The following OLFM3 variants were observed in gnomAD, a reference collection of about 807,000 sequenced individuals.
The protein encoded by OLFM3 is noelin-3.
OLFM3 carries 20 observed loss-of-function variants against 48.6 expected under a neutral mutation model. The observed-to-expected ratio is 0.41, with a 90% CI of 0.29 to 0.60. The LOEUF is 0.60. OLFM3 is among the 20% of genes least tolerant of loss of function. The pLI is 0.28. For synonymous variants in OLFM3, 222 were observed against 198.1 expected (o/e 1.12, Z -1.01); for missense variants, 437 against 544.3 (o/e 0.80, Z 1.96).
At chr1:101,861,820 G>A (rs1656668589) in intron 1 of OLFM3, among the ~76,000 whole-genome samples, 1 of 152,128 alleles carries the variant, frequency 6.6e-6, no homozygotes, top group African/African-American at 2.4e-5. Flanking sequence ...TCAAATTAGA[G>A]ATTATAATAT....
At chr1:101,900,710 A>G (rs1407172688) in intron 1 of OLFM3, among the ~76,000 whole-genome samples, 1 of 152,084 alleles carries the variant, frequency 6.6e-6, no homozygotes, top group Non-Finnish European at 1.5e-5. Flanking sequence ...AAATATATGA[A>G]AGAGTTGAAT....
intron 1 of OLFM3, among the ~76,000 whole-genome samples, chr1:101,981,121 A>G (rs981722410): frequency 1.2e-4 from 19 of 152,148 alleles, no homozygotes; most frequent in African/African-American, 4.6e-4. Flanking sequence ...CAGTGTGAAA[A>G]GCTGTCCTCC....
chr1:101,883,864 G>A (rs1427177988), intron 1 of OLFM3, among the ~76,000 whole-genome samples: 1 of 151,386 alleles, frequency 6.6e-6, no homozygotes, highest in African/African-American at 2.4e-5. Context: ...ATTTAGATAA[G>A]AAACATTAAG....
At chr1:101,898,655 C>T (rs1285117387) in intron 1 of OLFM3, among the ~76,000 whole-genome samples, 2 of 152,074 alleles carry the variant, frequency 1.3e-5, no homozygotes, top group Non-Finnish European at 2.9e-5. Context: ...TTGAGACCAG[C>T]CTGGCCAACA....
chr1:101,967,024 T>C (rs951675186), intron 1 of OLFM3, among the ~76,000 whole-genome samples: 3 of 152,200 alleles, frequency 2.0e-5, no homozygotes, highest in Non-Finnish European at 4.4e-5. Context: ...TTGTTTCTTT[T>C]GTCATGTTTG....
chr1:101,838,808 A>G (rs749776806), intron 1 of OLFM3, among the ~76,000 whole-genome samples: 6 of 152,196 alleles, frequency 3.9e-5, no homozygotes, highest in Non-Finnish European at 7.3e-5. Flanking sequence ...TAACTAAAGC[A>G]TGAACCAGGT....
intron 4 of OLFM3, among the ~76,000 whole-genome samples, chr1:101,815,799 C>G (rs573148969): frequency 6.6e-6 from 1 of 152,124 alleles, no homozygotes; most frequent in East Asian, 1.9e-4. Flanking sequence ...GCATATAAAT[C>G]TAGGGAACAG....
chr1:101,922,584 C>G (rs2101039692), intron 1 of OLFM3, among the ~76,000 whole-genome samples: 1 of 152,260 alleles, frequency 6.6e-6, no homozygotes, highest in African/African-American at 2.4e-5. Flanking sequence ...ATTTCTTCAT[C>G]CTTCCTATGG....
chr1:101,834,711 T>C (rs1014507171), intron 2 of OLFM3, among the ~76,000 whole-genome samples: 1 of 152,220 alleles, frequency 6.6e-6, no homozygotes, highest in Non-Finnish European at 1.5e-5. Context: ...GACTCCAATT[T>C]TGTGAATAAA....
At chr1:101,815,702 G>C (rs1654304249) in intron 4 of OLFM3, among the ~76,000 whole-genome samples, 1 of 152,138 alleles carries the variant, frequency 6.6e-6, no homozygotes, top group Non-Finnish European at 1.5e-5. Context: ...AATGACTGAG[G>C]GAGGAATGGG....
intron 1 of OLFM3, among the ~76,000 whole-genome samples, chr1:101,887,124 T>A (rs1469032352): frequency 6.6e-6 from 1 of 151,780 alleles, no homozygotes; most frequent in Non-Finnish European, 1.5e-5. Flanking sequence ...AAAATATAGA[T>A]ACAGGTGAAA....
chr1:101,912,316 T>A lies in OLFM3; in HGVS notation c.70-75291A>T, dbSNP rs4908199. ...ACTTTAAATCTCAACTAATAGGAGA[T>A]CTGGGCCAGAGGATAAATACTCCCC... On this transcript the variant is annotated intron_variant, in intron 1 of 5. Coordinates refer to ENST00000370103, the MANE Select transcript of OLFM3 (RefSeq NM_058170.4). Among the ~76,000 whole-genome samples, 140 of 152,060 alleles carry A rather than the reference T, an allele frequency of 9.2e-4. 1 individual carries two copies. Among genetic ancestry groups the A allele is most frequent in the Non-Finnish European group, 1.7e-3 (117 of 67,982 alleles).
At chr1:101,812,536 A>G (rs766699923) in intron 4 of OLFM3, 1 of 985,340 alleles carries the variant, frequency 1.0e-6, no homozygotes, top group Non-Finnish European at 1.2e-6. Context: ...TGAAACCTGA[A>G]CAAGAACTGT....
chr1:101,980,518 G>A (rs990217401), intron 1 of OLFM3, among the ~76,000 whole-genome samples: 1 of 152,118 alleles, frequency 6.6e-6, no homozygotes, highest in Non-Finnish European at 1.5e-5. Context: ...ATTCTGTCCT[G>A]CCACCCTGTG....
At chr1:101,984,469 C>T (rs1324103424) in intron 1 of OLFM3, among the ~76,000 whole-genome samples, 1 of 152,306 alleles carries the variant, frequency 6.6e-6, no homozygotes, top group East Asian at 1.9e-4. Flanking sequence ...GCCATCTTGG[C>T]TCACTGCACC....
intron 1 of OLFM3, among the ~76,000 whole-genome samples, chr1:101,962,791 C>T (rs1660504526): frequency 2.0e-5 from 3 of 152,194 alleles, no homozygotes; most frequent in Admixed American, 1.3e-4. Context: ...TTTATCATTT[C>T]AACCTGTTTG....
intron 4 of OLFM3, among the ~76,000 whole-genome samples, chr1:101,820,914 T>G (rs1654579181): frequency 6.6e-6 from 1 of 152,134 alleles, no homozygotes; most frequent in Admixed American, 6.6e-5. Context: ...AGCATTTGTG[T>G]AGAGTGAAGA....
At chr1:101,967,590 G>GAAAAAAAAAAAAAAAAAAAAAAAAAAAA (rs71592233) in intron 1 of OLFM3, among the ~76,000 whole-genome samples, 2 of 44,580 alleles carry the variant, frequency 4.5e-5, no homozygotes, top group African/African-American at 2.2e-4. Flanking sequence ...CCTAGTCAGT[G>GAAAAAAAAAAAAAAAAAAAAAAAAAAAA]AAAAAAAAAA....
chr1:101,881,071 T>G (rs919815199), intron 1 of OLFM3, among the ~76,000 whole-genome samples: 1 of 151,910 alleles, frequency 6.6e-6, no homozygotes, highest in Non-Finnish European at 1.5e-5. Flanking sequence ...CTTAGCGGGC[T>G]TGCTGAGTGT....
Sources: gnomAD v4.1 joint callset for allele counts (sites outside exome capture counted in the v4.1 genomes callset) on GRCh38, gnomAD v4.1.1 for gene constraint, MANE v1.5 for transcripts, NCBI Gene and HGNC (gene_info 2026-07-23, HGNC 2026-07-21) for gene names.